RSF1: variants seen among roughly 807,000 people sequenced by gnomAD.
RSF1 encodes HBV pX-associated protein 8.
A neutral mutation model predicts 145.2 loss-of-function variants in RSF1; 13 were observed. The ratio of observed to expected loss-of-function variants is 0.09; its 90% CI spans 0.06 to 0.14. The LOEUF is 0.14. Ranked by LOEUF, RSF1 falls within the 10% of genes least tolerant of loss-of-function variation. The pLI is 1.00. For synonymous variants in RSF1, 577 were observed against 592.6 expected (o/e 0.97, Z 0.38); for missense variants, 1,517 against 1,718.2 (o/e 0.88, Z 2.07).
the RSF1 span, among the ~76,000 whole-genome samples, chr11:77,835,086 G>T: frequency 6.6e-6 from 1 of 152,128 alleles, no homozygotes; most frequent in Non-Finnish European, 1.5e-5. Context: ...CTACTTTTAA[G>T]CTGGGCACAT....
the RSF1 span, among the ~76,000 whole-genome samples, chr11:77,844,128 G>A: frequency 6.6e-6 from 1 of 152,216 alleles, no homozygotes; most frequent in South Asian, 2.1e-4. Flanking sequence ...CTAGTTTGCA[G>A]ACAGCCAACT....
chr11:77,768,247 C>T (rs1948246581), intron 1 of RSF1, among the ~76,000 whole-genome samples: 1 of 149,392 alleles, frequency 6.7e-6, no homozygotes, highest in Non-Finnish European at 1.5e-5. Context: ...ACTGCAACCT[C>T]TGCCTCCCGG....
At chr11:77,832,368 C>G in the RSF1 span, among the ~76,000 whole-genome samples, 1 of 151,834 alleles carries the variant, frequency 6.6e-6, no homozygotes, top group Non-Finnish European at 1.5e-5. Context: ...CTCTTGTTGC[C>G]CAGGCTGGAG....
In RSF1 at chr11:77,661,556, C is replaced by A. The variant is rs1229271654; in HGVS notation, c.*5361G>T. The A allele has an allele frequency of 2.0e-5, 3 of 151,926 alleles. No homozygotes were observed. Among genetic ancestry groups the A allele is most frequent in the African/African-American group, 7.3e-5 (3 of 41,362 alleles). The allele number at this position is 151,926 out of a possible 1,614,324, so 9.4% of individuals were successfully genotyped here. A position where few individuals can be genotyped will look rare whatever the true frequency, so the allele number is the denominator to read the frequency against. ...ACATAGCAGTTGACATGCACCAATT[C>A]TGCTAAAGGGCAGGAGAATGAAAAA... On this transcript the variant is annotated 3_prime_UTR_variant, in exon 16 of 16. Coordinates refer to ENST00000308488, the MANE Select transcript of RSF1 (RefSeq NM_016578.4).
At chr11:77,808,108 C>T (rs1283245555) in intron 1 of RSF1, among the ~76,000 whole-genome samples, 1 of 151,984 alleles carries the variant, frequency 6.6e-6, no homozygotes, top group African/African-American at 2.4e-5. Flanking sequence ...CCAAGGCAGG[C>T]GAATCACTTG....
At position 77,665,432 on chromosome 11, in the gene RSF1, T is replaced by C. The variant is rs2135802643; in HGVS notation, c.*1485A>G. 6.6e-6 allele frequency: 1 copy of C among 152,312 alleles called. No individual in the cohort carries two copies. Among genetic ancestry groups the C allele is most frequent in the East Asian group, 1.9e-4 (1 of 5,174 alleles). 9.4% of individuals were successfully genotyped at this position (152,312 alleles called of 1,614,324 possible). ...TTAACAGGCTAGGTTTAATCACAAG[T>C]GCTACACTCTGTACAATGTTATGGC... is the stretch of plus-strand genomic sequence containing the variant. On this transcript the variant is annotated 3_prime_UTR_variant, in exon 16 of 16. Coordinates refer to ENST00000308488, the MANE Select transcript of RSF1 (RefSeq NM_016578.4).
At chr11:77,734,763 T>C in intron 4 of RSF1, 3 of 1,582,776 alleles carry the variant, frequency 1.9e-6, no homozygotes, top group Non-Finnish European at 2.6e-6. Context: ...CACAGTCTGG[T>C]TTTTTGATAT....
intron 2 of RSF1, among the ~76,000 whole-genome samples, chr11:77,749,204 A>G (rs1390083846): frequency 6.6e-6 from 1 of 152,184 alleles, no homozygotes; most frequent in Non-Finnish European, 1.5e-5. Flanking sequence ...TTTTTAGAGT[A>G]ATAAAAGTGT....
intron 11 of RSF1, among the ~76,000 whole-genome samples, chr11:77,683,128 T>G (rs925035195): frequency 6.6e-6 from 1 of 151,454 alleles, no homozygotes; most frequent in African/African-American, 2.4e-5. Context: ...CCGTCTCTAC[T>G]AAAAATACAA....
At chr11:77,797,176 G>C (rs1354792550) in intron 1 of RSF1, among the ~76,000 whole-genome samples, 2 of 152,014 alleles carry the variant, frequency 1.3e-5, no homozygotes, top group African/African-American at 4.8e-5. Flanking sequence ...ACTTCATATG[G>C]AACCAAAAAA....
intron 4 of RSF1, among the ~76,000 whole-genome samples, chr11:77,730,932 T>C (rs528883936): frequency 6.6e-6 from 1 of 152,278 alleles, no homozygotes; most frequent in Non-Finnish European, 1.5e-5. Context: ...ATCAGCAGCA[T>C]GAAAACGGAC....
At chr11:77,677,147 T>A (rs1959730347) in intron 12 of RSF1, 148 bp from the exon 13 acceptor site, 1 of 648,920 alleles carries the variant, frequency 1.5e-6, no homozygotes, top group Admixed American at 3.1e-5. Flanking sequence ...TCTTATGACT[T>A]CAGCTGACAG....
intron 1 of RSF1, among the ~76,000 whole-genome samples, chr11:77,780,386 C>A (rs532453532): frequency 6.6e-6 from 1 of 152,200 alleles, no homozygotes; most frequent in Non-Finnish European, 1.5e-5. Flanking sequence ...TCAGGATGTG[C>A]AATCAACCAT....
chr11:77,796,373 C>A (rs868730544), intron 1 of RSF1, among the ~76,000 whole-genome samples: 2 of 152,104 alleles, frequency 1.3e-5, no homozygotes, highest in Admixed American at 1.3e-4. Context: ...AGTCAATAAA[C>A]GTAATTCATC....
chr11:77,832,997 G>GTA, the RSF1 span, among the ~76,000 whole-genome samples: 5 of 76,198 alleles, frequency 6.6e-5, no homozygotes, highest in South Asian at 9.2e-4. Context: ...GTGTGTGTGT[G>GTA]TATATATATA....
chr11:77,706,577 G>A (rs764227475), intron 5 of RSF1, among the ~76,000 whole-genome samples: 55 of 152,162 alleles, frequency 3.6e-4, no homozygotes, highest in Non-Finnish European at 3.4e-4. Context: ...TCCCAAAGCT[G>A]CCATCACTTT....
chr11:77,739,727 T>G (rs927247159), intron 4 of RSF1, among the ~76,000 whole-genome samples: 2 of 152,240 alleles, frequency 1.3e-5, no homozygotes, highest in African/African-American at 4.8e-5. Context: ...CCCTATTTAA[T>G]AGGACCCCGA....
At chr11:77,868,257 G>A in the RSF1 span, among the ~76,000 whole-genome samples, 15 of 150,866 alleles carry the variant, frequency 9.9e-5, no homozygotes, top group Middle Eastern at 6.8e-3. Context: ...GGGTTTCACC[G>A]TGTTAGCCAG....
chr11:77,703,378 G>A (rs1960469429), intron 5 of RSF1: 1 of 152,154 alleles, frequency 6.6e-6, no homozygotes, highest in African/African-American at 2.4e-5. Context: ...TATACAGACT[G>A]CATTCCAGAA....
Sources: gnomAD v4.1 joint callset for allele counts (sites outside exome capture counted in the v4.1 genomes callset) on GRCh38, gnomAD v4.1.1 for gene constraint, MANE v1.5 for transcripts, NCBI Gene and HGNC (gene_info 2026-07-23, HGNC 2026-07-21) for gene names.